Variants in B4GALNT3 observed in about 807,000 individuals in gnomAD.
B4GALNT3 encodes beta-1,4-N-acetylgalactosaminyltransferase 3.
A neutral mutation model predicts 120.2 loss-of-function variants in B4GALNT3; 86 were observed. The ratio of observed to expected loss-of-function variants is 0.72; its 90% CI spans 0.60 to 0.86. B4GALNT3 has a LOEUF of 0.86. B4GALNT3 is among the 40% of genes least tolerant of loss of function. The pLI is 0.00. For missense variants in B4GALNT3, 1,167 were observed against 1,298.9 expected, an observed-to-expected ratio of 0.90 and a Z score of 1.56; for synonymous variants, 518 against 510.4, an observed-to-expected ratio of 1.01 and a Z score of -0.20.
intron 1 of B4GALNT3, among the ~76,000 whole-genome samples, chr12:488,660 T>G (rs930316686): frequency 2.6e-5 from 4 of 152,064 alleles, no homozygotes; most frequent in African/African-American, 9.7e-5. Flanking sequence ...ATTTAAAAAT[T>G]AAATTTTTAA....
At chr12:552,328 CA>C in intron 12 of B4GALNT3, 138 bp from the exon 13 acceptor site, 8 of 905,078 alleles carry the variant, frequency 8.8e-6, no homozygotes, top group Admixed American at 7.7e-5. Flanking sequence ...CACACACACA[CA>C]CACACACCCG....
chr12:489,649 A>T (rs144554722), intron 1 of B4GALNT3, among the ~76,000 whole-genome samples: 1 of 152,262 alleles, frequency 6.6e-6, no homozygotes, highest in South Asian at 2.1e-4. Flanking sequence ...GGAAGAATAG[A>T]TGAATCCACT....
intron 12 of B4GALNT3, 130 bp from the exon 13 acceptor site, chr12:552,329 ACACACACC>A (rs1947093491): frequency 2.4e-6 from 2 of 839,896 alleles, no homozygotes; most frequent in East Asian, 2.8e-5. Flanking sequence ...ACACACACAC[ACACACACC>A]CGCTCACCAG....
intron 1 of B4GALNT3, among the ~76,000 whole-genome samples, chr12:519,578 G>C (rs1023885434): frequency 6.8e-6 from 1 of 146,396 alleles, no homozygotes; most frequent in Non-Finnish European, 1.5e-5. Flanking sequence ...TCCCCAAAGC[G>C]TCTCTCTTTT....
Position 548,012 on chromosome 12 carries a change from C to T in B4GALNT3, c.708-12C>T. 6.2e-7 allele frequency: 1 copy of T among 1,613,494 alleles called. No homozygotes were observed. Among genetic ancestry groups the T allele is most frequent in the Non-Finnish European group, 8.5e-7 (1 of 1,179,726 alleles). ...AGATGGCGCTCTGCTTCCCTGCCCTCTCTCCCGCCAGCCTGTCAGCCTCCC... is the reference window on the plus strand; with the variant it reads ...AGATGGCGCTCTGCTTCCCTGCCCTTTCTCCCGCCAGCCTGTCAGCCTCCC... On this transcript the variant is annotated splice_polypyrimidine_tract_variant and intron_variant, in intron 7 of 19. Transcript: ENST00000266383. The surrounding 1 kb of genome is among the most constrained non-coding windows in gnomAD (Gnocchi z 4.9).
At chr12:461,115 CG>C (rs1224243496) in intron 1 of B4GALNT3, among the ~76,000 whole-genome samples, 5 of 152,148 alleles carry the variant, frequency 3.3e-5, no homozygotes, top group Non-Finnish European at 7.3e-5. Flanking sequence ...GCTTCCCATA[CG>C]TCGCTCCTCT....
chr12:557,763 T>C lies in B4GALNT3; in HGVS notation c.2534+2T>C. 1 of 1,599,072 alleles carries C rather than the reference T, an allele frequency of 6.3e-7. No homozygotes were observed. The highest frequency in any genetic ancestry group is 8.5e-7 in the Non-Finnish European group (1 of 1,175,432). ...ACTGAAGAGGTCCAAGCTGCGGAGGTGAGGGGGACCACCAGCCAGGGGGTG... is the reference window on the plus strand; with the variant it reads ...ACTGAAGAGGTCCAAGCTGCGGAGGCGAGGGGGACCACCAGCCAGGGGGTG... On this transcript the variant is annotated splice_donor_variant, in intron 16 of 19. Coordinates refer to ENST00000266383, the MANE Select transcript of B4GALNT3 (RefSeq NM_173593.4). LOFTEE classifies it high-confidence loss of function.
chr12:468,503 T>C (rs1298506898), intron 1 of B4GALNT3, among the ~76,000 whole-genome samples: 1 of 152,148 alleles, frequency 6.6e-6, no homozygotes, highest in Non-Finnish European at 1.5e-5. Flanking sequence ...AGTGACACCA[T>C]ACAAGGCAAA....
At chr12:545,181 ATC>A (rs1402353657) in intron 5 of B4GALNT3, 186 bp from the exon 6 acceptor site, 1 of 1,443,758 alleles carries the variant, frequency 6.9e-7, no homozygotes, top group Non-Finnish European at 9.1e-7. Context: ...GAACCAGCTC[ATC>A]TCTCCATATA....
chr12:512,192 C>CGCCTTCCGCCTTCT (rs1565598523), intron 1 of B4GALNT3, among the ~76,000 whole-genome samples: 2 of 79,252 alleles, frequency 2.5e-5, no homozygotes, highest in Non-Finnish European at 4.9e-5. Flanking sequence ...TTCCACCTTC[C>CGCCTTCCGCCTTCT]GCCTTCCACC....
rs1221128872 is a variant in B4GALNT3, at chr12:514,525, T to G, written c.170-20641T>G. Among the ~76,000 whole-genome samples, 3 of 152,136 alleles carry G rather than the reference T, an allele frequency of 2.0e-5. No homozygotes were observed. The East Asian group carries it at 5.8e-4, about 29-fold the overall frequency. On this transcript the variant is annotated intron_variant, in intron 1 of 19. Coordinates refer to ENST00000266383, the MANE Select transcript of B4GALNT3 (RefSeq NM_173593.4). ...TTTTTTTAAATAAAAGACTAATAAA[T>G]TCTATTAGTATGAGAGCAAGGAGGA...
rs773753455 is a variant in B4GALNT3 at position 544,941 on chromosome 12, C to T, written c.507C>T (p.Arg169=). 1.1e-5 allele frequency: 17 copies of T among 1,613,956 alleles called. No individual in the cohort carries two copies. Among genetic ancestry groups the T allele is most frequent in the Non-Finnish European group, 1.4e-5 (16 of 1,180,012 alleles). The change falls in exon 5 of 20, where the codon CGC becomes CGT. Residue 169 remains arginine, a synonymous_variant. Transcript: ENST00000266383. ...VSPKWTNYGL[R]IFGYLHPFTD... is the part of the protein sequence containing the mutation. ...CCAAATGGACCAACTATGGCCTCCG[C>T]ATCTTTGGCTACCTGCACCCCTTTA... is the stretch of plus-strand genomic sequence containing the variant.
rs191435369 is a variant in B4GALNT3 at position 497,395 on chromosome 12, G to T, written c.169+36850G>T. 2.6e-4 allele frequency among the ~76,000 whole-genome samples: 39 copies of T among 151,506 alleles called. No individual in the cohort carries two copies. The Middle Eastern group carries it at 0.011, about 41-fold the overall frequency. On this transcript the variant is annotated intron_variant, in intron 1 of 19. Transcript: ENST00000266383. ...CTCACTCAGGTGAACCGCCCGCCTCGGCCTCCCAAAGTGCTGGGATTACAG... is the reference window on the plus strand; with the variant it reads ...CTCACTCAGGTGAACCGCCCGCCTCTGCCTCCCAAAGTGCTGGGATTACAG...
At chr12:491,255 AAAG>A (rs758663474) in intron 1 of B4GALNT3, among the ~76,000 whole-genome samples, 1 of 152,216 alleles carries the variant, frequency 6.6e-6, no homozygotes, top group African/African-American at 2.4e-5. Context: ...ATAGGCAAAA[AAAG>A]AAAAATTACA....
At chr12:511,482 TCTTCCACCTTCCACCTTCCAC>T (rs1285184433) in intron 1 of B4GALNT3, among the ~76,000 whole-genome samples, 25 of 66,216 alleles carry the variant, frequency 3.8e-4, no homozygotes, top group African/African-American at 2.2e-3. Context: ...TCTTCCACCT[TCTTCCACCTTCCACCTTCCAC>T]CTTCCACCTT....
intron 1 of B4GALNT3, among the ~76,000 whole-genome samples, chr12:474,322 C>T (rs1256571628): frequency 6.6e-6 from 1 of 152,196 alleles, no homozygotes. Context: ...GAAAGCCAGA[C>T]TGGAACTAAC....
intron 7 of B4GALNT3, among the ~76,000 whole-genome samples, chr12:547,430 T>C (rs1468626003): frequency 6.6e-6 from 1 of 152,102 alleles, no homozygotes; most frequent in Non-Finnish European, 1.5e-5. Context: ...ATCCTACGCA[T>C]GCAACAGAAG....
At chr12:560,136 A>G (rs1947211022) in intron 19 of B4GALNT3, among the ~76,000 whole-genome samples, 1 of 152,262 alleles carries the variant, frequency 6.6e-6, no homozygotes, top group East Asian at 1.9e-4. Flanking sequence ...AGGGGCAGAG[A>G]GAGGATGGTG....
intron 1 of B4GALNT3, among the ~76,000 whole-genome samples, chr12:495,175 C>G (rs1335933104): frequency 6.6e-6 from 1 of 152,186 alleles, no homozygotes; most frequent in Non-Finnish European, 1.5e-5. Flanking sequence ...AATAACTTGT[C>G]TCAAGTTACA....
Sources: allele counts gnomAD v4.1 joint callset (sites outside exome capture counted in the v4.1 genomes callset), GRCh38; gene constraint gnomAD v4.1.1; non-coding constraint Gnocchi (gnomAD v3.1); transcripts MANE v1.5; gene names NCBI Gene and HGNC (gene_info 2026-07-23, HGNC 2026-07-21).